The following KANK1 variants were observed in gnomAD, a reference collection of about 807,000 sequenced individuals.
KANK1 encodes the protein KN motif and ankyrin repeat domains 1.
Under a neutral mutation model 106.2 loss-of-function variants are expected in KANK1, and 109 were observed. The observed-to-expected ratio is 1.03, with a 90% CI of 0.88 to 1.20. The LOEUF (loss-of-function observed/expected upper bound fraction) is 1.20, where lower values mean the gene tolerates loss of function less well. Among genes scored for constraint, KANK1 ranks in the 50% most tolerant of loss-of-function variants. KANK1 has a pLI of 0.00. For synonymous variants in KANK1, 873 were observed against 652.2 expected, an observed-to-expected ratio of 1.34 and a Z score of -5.16; for missense variants, 2,399 against 1,710.7, an observed-to-expected ratio of 1.40 and a Z score of -7.10.
At chr9:490,268 A>T (rs892350588) in intron 3 of KANK1, among the ~76,000 whole-genome samples, 3 of 152,188 alleles carry the variant, frequency 2.0e-5, no homozygotes, top group Non-Finnish European at 4.4e-5. Context: ...TTGGGAGCCC[A>T]AAAAAGGTGG....
At chr9:542,531 C>G (rs4742073) in intron 1 of KANK1, among the ~76,000 whole-genome samples, 1 of 152,034 alleles carries the variant, frequency 6.6e-6, no homozygotes, top group African/African-American at 2.4e-5. Context: ...AACTGAACTT[C>G]CATATGATCC....
At chr9:732,043 G>C (rs1832428541) in intron 5 of KANK1, 2 of 188,610 alleles carry the variant, frequency 1.1e-5, no homozygotes, top group East Asian at 1.3e-4. Flanking sequence ...GAAATAGGAA[G>C]ACATGGGGTG....
At chr9:518,199 G>C (rs927809576) in intron 1 of KANK1, among the ~76,000 whole-genome samples, 8 of 151,916 alleles carry the variant, frequency 5.3e-5, no homozygotes, top group Middle Eastern at 3.4e-3. Context: ...CATTTTCTTG[G>C]GAACTTTTCA....
intron 2 of KANK1, among the ~76,000 whole-genome samples, chr9:689,883 TAG>T (rs1249978486): frequency 2.6e-5 from 4 of 151,786 alleles, no homozygotes; most frequent in African/African-American, 9.7e-5. Flanking sequence ...TACTCATAGG[TAG>T]AGTTTTTGCA....
intron 2 of KANK1, among the ~76,000 whole-genome samples, chr9:700,470 A>G (rs138396018): frequency 6.6e-6 from 1 of 152,198 alleles, no homozygotes; most frequent in Admixed American, 6.5e-5. Context: ...TTGATGTGCT[A>G]ACTTAATTAC....
chr9:577,416 G>A lies in KANK1; in HGVS notation c.-84+72662G>A, dbSNP rs376350287. 4.3e-4 allele frequency among the ~76,000 whole-genome samples: 66 copies of A among 152,198 alleles called. 1 individual carries two copies. In the South Asian group the frequency reaches 5.6e-3, roughly 13 times the overall value. On this transcript the variant is annotated intron_variant, in intron 1 of 11. Coordinates refer to ENST00000382297, the MANE Select transcript of KANK1 (RefSeq NM_015158.5). ...GTTTACAAACCTTTAGACACAGAGC[G>A]CTGATTGGTGCGTTTTTACAGAGTG...
In KANK1 at chr9:553,789, A is replaced by C. The variant is rs1229301492; in HGVS notation, c.-84+49035A>C. Among the ~76,000 whole-genome samples the C allele has an allele frequency of 2.0e-5, 3 of 152,342 alleles. No homozygotes were observed. The East Asian group carries it at 5.8e-4, about 29-fold the overall frequency. On this transcript the variant is annotated intron_variant, in intron 1 of 11. Coordinates refer to ENST00000382297, the MANE Select transcript of KANK1 (RefSeq NM_015158.5). ...ATTTACTTTTATAGGAATATTACAAAATCTATACTAAGAAATATTAGAAAA... is the reference window on the plus strand; with the variant it reads ...ATTTACTTTTATAGGAATATTACAACATCTATACTAAGAAATATTAGAAAA...
intron 1 of KANK1, among the ~76,000 whole-genome samples, chr9:625,459 G>C (rs2136544094): frequency 6.6e-6 from 1 of 152,244 alleles, no homozygotes; most frequent in Non-Finnish European, 1.5e-5. Context: ...GGGCCTCCAA[G>C]ATTGCCTATA....
chr9:559,083 A>G (rs931986845), intron 1 of KANK1, among the ~76,000 whole-genome samples: 10 of 152,314 alleles, frequency 6.6e-5, no homozygotes, highest in African/African-American at 2.4e-4. Flanking sequence ...TTATTTCTTA[A>G]TTAACAACTG....
At chr9:692,345 GGGGC>G (rs1392247637) in intron 2 of KANK1, among the ~76,000 whole-genome samples, 11 of 12,014 alleles carry the variant, frequency 9.2e-4, no homozygotes, top group African/African-American at 2.0e-3. Flanking sequence ...ATTTGGGCTT[GGGGC>G]TTGGTTTATA....
chr9:522,011 T>C (rs2059576189), intron 1 of KANK1, among the ~76,000 whole-genome samples: 1 of 151,796 alleles, frequency 6.6e-6, no homozygotes, highest in Non-Finnish European at 1.5e-5. Context: ...GGAGAACTGT[T>C]AGAAAAGTTG....
Position 608,069 on chromosome 9 carries a change from C to T in KANK1, c.-83-68821C>T, listed in dbSNP as rs112684080. 1.5e-3 allele frequency among the ~76,000 whole-genome samples: 199 copies of T among 133,522 alleles called. 1 individual carries two copies. Among genetic ancestry groups the T allele is most frequent in the African/African-American group, 5.3e-3 (180 of 33,832 alleles). 87.6% of individuals were successfully genotyped at this position (133,522 alleles called of 152,430 possible). ...TTTTTGAGACGGAGTCTCGCTCTGT[C>T]GCCCAGGCCGGACTGCGGACTGCAG... On this transcript the variant is annotated intron_variant, in intron 1 of 11. Coordinates refer to ENST00000382297, the MANE Select transcript of KANK1 (RefSeq NM_015158.5).
At chr9:595,731 A>G (rs1243845723) in intron 1 of KANK1, among the ~76,000 whole-genome samples, 1 of 151,678 alleles carries the variant, frequency 6.6e-6, no homozygotes, top group Non-Finnish European at 1.5e-5. Context: ...TTTGTTGCCC[A>G]GGTTGGTCTC....
At chr9:732,298 CA>C in intron 5 of KANK1, 79 bp from the exon 6 acceptor site, 1 of 1,504,064 alleles carries the variant, frequency 6.6e-7, no homozygotes, top group Non-Finnish European at 8.9e-7. Context: ...AGTCAATTAG[CA>C]AATCCCTTCA....
chr9:548,534 C>T (rs1041010144), intron 1 of KANK1, among the ~76,000 whole-genome samples: 1 of 152,080 alleles, frequency 6.6e-6, no homozygotes, highest in African/African-American at 2.4e-5. Context: ...GAAAAGAAAG[C>T]AGACATTTGT....
At chr9:639,946 T>C (rs868504002) in intron 1 of KANK1, among the ~76,000 whole-genome samples, 6 of 152,194 alleles carry the variant, frequency 3.9e-5, no homozygotes, top group Admixed American at 6.5e-5. Context: ...GGTTCTACCC[T>C]GATGATTTAA....
chr9:606,199 C>T (rs896504345), intron 1 of KANK1, among the ~76,000 whole-genome samples: 7 of 149,714 alleles, frequency 4.7e-5, no homozygotes, highest in South Asian at 2.1e-4. Context: ...CACATATATA[C>T]GTACATACAT....
chr9:566,635 C>G (rs553897171), intron 1 of KANK1, among the ~76,000 whole-genome samples: 5 of 152,282 alleles, frequency 3.3e-5, no homozygotes, highest in Non-Finnish European at 7.3e-5. Context: ...TTTCCACATA[C>G]TTGTTGGCCG....
chr9:625,358 C>A (rs1834097719), intron 1 of KANK1, among the ~76,000 whole-genome samples: 1 of 152,180 alleles, frequency 6.6e-6, no homozygotes. Flanking sequence ...GAACTTGAGT[C>A]CAACAAAAAT....
Sources: gnomAD v4.1 joint callset for allele counts (sites outside exome capture counted in the v4.1 genomes callset) on GRCh38, gnomAD v4.1.1 for gene constraint, MANE v1.5 for transcripts, NCBI Gene and HGNC (gene_info 2026-07-23, HGNC 2026-07-21) for gene names.